Variants in SPOCK1 observed in about 807,000 individuals in gnomAD.
The protein encoded by SPOCK1 is testican-1.
Under a neutral mutation model 55.3 loss-of-function variants are expected in SPOCK1, and 23 were observed. The ratio of observed to expected loss-of-function variants is 0.42; its 90% CI spans 0.30 to 0.59. The LOEUF is 0.59. SPOCK1 is among the 20% of genes least tolerant of loss of function. The pLI is 0.22. For synonymous variants in SPOCK1, 226 were observed against 221.0 expected (o/e 1.02, Z -0.20); for missense variants, 499 against 552.5 (o/e 0.90, Z 0.97).
intron 6 of SPOCK1, among the ~76,000 whole-genome samples, chr5:137,055,521 A>G (rs1752286502): frequency 6.6e-6 from 1 of 152,206 alleles, no homozygotes; most frequent in Non-Finnish European, 1.5e-5. Context: ...CACAATGGTA[A>G]TCAGATATTA....
chr5:137,088,095 G>A (rs965098687), intron 5 of SPOCK1, among the ~76,000 whole-genome samples: 2 of 152,114 alleles, frequency 1.3e-5, no homozygotes, highest in African/African-American at 2.4e-5. Context: ...GGGGGTCAGG[G>A]AGTAGGGACC....
intron 3 of SPOCK1, among the ~76,000 whole-genome samples, chr5:137,159,388 T>C (rs1229238413): frequency 6.6e-6 from 1 of 152,144 alleles, no homozygotes; most frequent in Non-Finnish European, 1.5e-5. Context: ...TTTAAAAACC[T>C]AACGTTTTCT....
At chr5:137,351,558 C>G (rs953580920) in intron 2 of SPOCK1, among the ~76,000 whole-genome samples, 1 of 152,166 alleles carries the variant, frequency 6.6e-6, no homozygotes, top group Admixed American at 6.5e-5. Context: ...GAGAAAACGC[C>G]TAGATTTTAC....
intron 2 of SPOCK1, among the ~76,000 whole-genome samples, chr5:137,276,598 C>T (rs750149762): frequency 1.2e-4 from 19 of 152,236 alleles, no homozygotes; most frequent in Non-Finnish European, 1.9e-4. Flanking sequence ...AATCCAACCT[C>T]GGCTGGTTTT....
Position 137,453,055 on chromosome 5 carries a change from T to C in SPOCK1, c.186+45318A>G, listed in dbSNP as rs80068928. The stretch of plus-strand genomic sequence containing the variant: ...TTGACTTTTAAGTCTTTTTCCACTT[T>C]ATCATGTTCTTCACCTCATTCAAAC... On this transcript the variant is annotated intron_variant, in intron 2 of 10. Coordinates refer to ENST00000394945, the MANE Select transcript of SPOCK1 (RefSeq NM_004598.4). Among the ~76,000 whole-genome samples, 337 of 152,324 alleles carry C rather than the reference T, an allele frequency of 2.2e-3. 2 individuals carry two copies. The highest frequency in any genetic ancestry group is 7.8e-3 in the African/African-American group (326 of 41,574).
At chr5:137,158,608 A>G (rs1754466669) in intron 3 of SPOCK1, among the ~76,000 whole-genome samples, 1 of 152,158 alleles carries the variant, frequency 6.6e-6, no homozygotes, top group South Asian at 2.1e-4. Context: ...CAGCCCACAG[A>G]AAGCTGCTCC....
intron 2 of SPOCK1, among the ~76,000 whole-genome samples, chr5:137,349,144 G>C (rs1750624536): frequency 1.3e-5 from 2 of 152,310 alleles, no homozygotes; most frequent in South Asian, 4.1e-4. Context: ...CATACATGTG[G>C]CTCTCAATAG....
At chr5:137,251,253 C>T (rs1473951070) in intron 3 of SPOCK1, among the ~76,000 whole-genome samples, 1 of 152,224 alleles carries the variant, frequency 6.6e-6, no homozygotes, top group East Asian at 1.9e-4. Flanking sequence ...ATCTTTCACA[C>T]CTCCTATTCC....
chr5:137,488,589 G>C (rs1040324176), intron 2 of SPOCK1, among the ~76,000 whole-genome samples: 7 of 152,160 alleles, frequency 4.6e-5, no homozygotes, highest in Non-Finnish European at 8.8e-5. Flanking sequence ...TCTTGGCCAG[G>C]CCTCTCAGAA....
intron 2 of SPOCK1, among the ~76,000 whole-genome samples, chr5:137,467,883 A>T (rs1468407177): frequency 6.6e-6 from 1 of 152,198 alleles, no homozygotes; most frequent in Non-Finnish European, 1.5e-5. Context: ...TTCTCAACTA[A>T]ATTAAATTCA....
chr5:137,410,123 C>T (rs1017774933), intron 2 of SPOCK1, among the ~76,000 whole-genome samples: 13 of 152,234 alleles, frequency 8.5e-5, no homozygotes, highest in Admixed American at 4.6e-4. Flanking sequence ...AATCATCACA[C>T]CACAGACCTT....
intron 1 of SPOCK1, 94 bp from the exon 2 acceptor site, chr5:137,498,652 G>C (rs1754362253): frequency 4.6e-6 from 5 of 1,083,944 alleles, no homozygotes; most frequent in Admixed American, 9.4e-5. Context: ...CCCGGAGGCG[G>C]GGACCCCGCG....
intron 2 of SPOCK1, among the ~76,000 whole-genome samples, chr5:137,410,216 C>T (rs1424509258): frequency 3.9e-5 from 6 of 152,218 alleles, no homozygotes; most frequent in Admixed American, 1.3e-4. Context: ...AATCAAGGTG[C>T]TCTGCTGGTT....
intron 2 of SPOCK1, among the ~76,000 whole-genome samples, chr5:137,431,071 A>G (rs1245905798): frequency 6.6e-6 from 1 of 152,246 alleles, no homozygotes; most frequent in African/African-American, 2.4e-5. Context: ...GCCACCCCAC[A>G]AACAGGAAGC....
intron 3 of SPOCK1, among the ~76,000 whole-genome samples, chr5:137,148,871 A>G (rs1182052949): frequency 6.6e-6 from 1 of 152,204 alleles, no homozygotes; most frequent in East Asian, 1.9e-4. Context: ...ACTAATGAAA[A>G]TAACTTCTGA....
At chr5:137,093,158 T>C (rs2127020505) in intron 5 of SPOCK1, among the ~76,000 whole-genome samples, 1 of 152,294 alleles carries the variant, frequency 6.6e-6, no homozygotes, top group East Asian at 1.9e-4. Context: ...AGTTTCAATA[T>C]GTGTTTTAGA....
intron 6 of SPOCK1, among the ~76,000 whole-genome samples, chr5:137,039,844 C>G (rs1435850201): frequency 6.6e-6 from 1 of 152,258 alleles, no homozygotes; most frequent in East Asian, 1.9e-4. Flanking sequence ...CACAGGTATA[C>G]AGGTGCCTGG....
intron 8 of SPOCK1, among the ~76,000 whole-genome samples, chr5:136,987,687 C>T (rs1750869658): frequency 6.6e-6 from 1 of 152,162 alleles, no homozygotes; most frequent in African/African-American, 2.4e-5. Flanking sequence ...AGCAGCCATC[C>T]TCCTTTCCTG....
At chr5:137,147,842 G>A (rs1361775437) in intron 3 of SPOCK1, among the ~76,000 whole-genome samples, 1 of 152,138 alleles carries the variant, frequency 6.6e-6, no homozygotes, top group East Asian at 1.9e-4. Context: ...CTATTTTACA[G>A]AAACTAGTAG....
Sources: gnomAD v4.1 joint callset for allele counts (sites outside exome capture counted in the v4.1 genomes callset) on GRCh38, gnomAD v4.1.1 for gene constraint, MANE v1.5 for transcripts, NCBI Gene and HGNC (gene_info 2026-07-23, HGNC 2026-07-21) for gene names.